The following BTN1A1 variants were observed in gnomAD, a reference collection of about 807,000 sequenced individuals.
The protein encoded by BTN1A1 is butyrophilin subfamily 1 member A1, also known as bK14H9.2 (butyrophilin, subfamily 1, member A1).
In BTN1A1, 26 loss-of-function variants were observed where a neutral mutation model predicts 33.1. The observed-to-expected ratio is 0.79, with a 90% CI of 0.58 to 1.09. The LOEUF (loss-of-function observed/expected upper bound fraction) is 1.09. Among genes scored for constraint, BTN1A1 ranks in the 50% least tolerant of loss-of-function variants. BTN1A1 has a pLI of 0.00. For synonymous variants in BTN1A1, 235 were observed against 256.2 expected, an observed-to-expected ratio of 0.92 and a Z score of 0.79; for missense variants, 558 against 655.7, an observed-to-expected ratio of 0.85 and a Z score of 1.63.
In BTN1A1 at chr6:26,509,452, A is replaced by C; in HGVS notation, c.*278A>C. ...AACCTATAGGAAACTACTTGGAGCA[A>C]ACTCAAAGGACAGATTAGGGATCGA... On this transcript the variant is annotated 3_prime_UTR_variant, in exon 8 of 8. Transcript: ENST00000684113. The C allele has an allele frequency of 2.8e-6, 1 of 363,516 alleles. No individual in the cohort carries two copies. Among genetic ancestry groups the C allele is most frequent in the Non-Finnish European group, 5.0e-6 (1 of 200,762 alleles). The allele number at this position is 363,516 out of a possible 1,614,324, so 22.5% of individuals were successfully genotyped here.
Position 26,509,087 on chromosome 6 carries a change from C to T in BTN1A1, c.1494C>T (p.Ser498=). The change falls in exon 8 of 8, where the codon TCC becomes TCT. Residue 498 remains serine (S), a synonymous_variant. Transcript: ENST00000684113. ...AQDLSKEIPL[S]PMGEDSAPRD... ...ACCTTTCTAAGGAGATCCCATTGTC[C>T]CCCATGGGGGAGGACTCTGCCCCTA... 6.2e-7 allele frequency: 1 copy of T among 1,614,052 alleles called. No homozygotes were observed. Among genetic ancestry groups the T allele is most frequent in the Non-Finnish European group, 8.5e-7 (1 of 1,179,944 alleles).
At chr6:26,502,023 T>A (rs963598490) in intron 3 of BTN1A1, 86 bp downstream of exon 3, 9 of 1,445,158 alleles carry the variant, frequency 6.2e-6, no homozygotes, top group Non-Finnish European at 8.2e-6. Flanking sequence ...AACCATCAGA[T>A]TCATTCTCAA....
intron 4 of BTN1A1, 74 bp downstream of exon 4, chr6:26,505,280 A>G: frequency 6.9e-7 from 1 of 1,447,454 alleles, no homozygotes; most frequent in East Asian, 2.3e-5. Context: ...ACACCTGCCC[A>G]GATGTGACCT....
chr6:26,508,419 T>C (rs777694746), intron 7 of BTN1A1, 82 bp from the exon 8 acceptor site: 4 of 1,435,602 alleles, frequency 2.8e-6, no homozygotes, highest in Non-Finnish European at 3.8e-6. Flanking sequence ...TACAACAGTG[T>C]TCTGTTTCTT....
rs1561882617 is a variant in BTN1A1, at chr6:26,500,332, T to C, written c.-84T>C. 6.6e-6 allele frequency among the ~76,000 whole-genome samples: 1 copy of C among 152,174 alleles called. No homozygotes were observed. The highest frequency in any genetic ancestry group is 1.5e-5 in the Non-Finnish European group (1 of 68,030). On this transcript the variant is annotated 5_prime_UTR_variant, in exon 1 of 8. Transcript: ENST00000684113. ...TTCTCACTTGGTAGCAGTGGCCTCT[T>C]GTGCCTTTTTCTCCAAGATCACCCA...
intron 5 of BTN1A1, 21 bp downstream of exon 5, chr6:26,506,853 G>A (rs1201598927): frequency 1.2e-6 from 2 of 1,613,306 alleles, no homozygotes; most frequent in South Asian, 2.2e-5. Flanking sequence ...GAATCCACAA[G>A]GGCTACGTGT....
intron 5 of BTN1A1, among the ~76,000 whole-genome samples, chr6:26,507,095 C>A (rs781168683): frequency 1.3e-5 from 2 of 152,176 alleles, no homozygotes; most frequent in African/African-American, 4.8e-5. Flanking sequence ...TTGGTGAGTG[C>A]CTGTAATCCC....
rs751507011 is a variant in BTN1A1 at position 26,501,563 on chromosome 6, C to A, written c.80-27C>A. 6.2e-7 allele frequency: 1 copy of A among 1,609,626 alleles called. No individual in the cohort carries two copies. Among genetic ancestry groups the A allele is most frequent in the East Asian group, 2.2e-5 (1 of 44,804 alleles). On this transcript the variant is annotated intron_variant, in intron 2 of 7. Transcript: ENST00000684113. This position sits in a 1 kb window ranked among gnomAD's most constrained non-coding sequence, Gnocchi z 5.2. ...GTCCGTAGTTCCCATCTCCACATCC[C>A]GTCTGATCCCGCTCGTTTTTCGGCA...
At position 26,508,823 on chromosome 6, in the gene BTN1A1, G is replaced by T. The variant is rs1362517874; in HGVS notation, c.1230G>T (p.Arg410=). 1 of 1,614,132 alleles carries T rather than the reference G, an allele frequency of 6.2e-7. No homozygotes were observed. The highest frequency in any genetic ancestry group is 1.1e-5 in the South Asian group (1 of 91,080). The change falls in exon 8 of 8, where the codon CGG becomes CGT. Residue 410 remains arginine (R), a synonymous_variant. Transcript: ENST00000684113. Reference sequence around the variant, plus strand: ...GGTACTGGGCCCTCACTCCTCTCCGGACCCCTCTCCCATTGGCAGGGCCCC... The same window carrying T: ...GGTACTGGGCCCTCACTCCTCTCCGTACCCCTCTCCCATTGGCAGGGCCCC... ...GNGYWALTPL[R]TPLPLAGPPR...
In BTN1A1 at chr6:26,508,728, G is replaced by A; in HGVS notation, c.1135G>A (p.Val379Met). ...DWAIGVCREN[V>M]MKKGFDPMTP... Reference sequence around the variant, plus strand: ...GGCAATCGGCGTGTGTAGGGAGAATGTGATGAAGAAAGGATTTGACCCCAT... The same window carrying A: ...GGCAATCGGCGTGTGTAGGGAGAATATGATGAAGAAAGGATTTGACCCCAT... The change falls in exon 8 of 8, where the codon GTG becomes ATG. Residue 379 changes from valine to methionine, a missense_variant. Physicochemically the swap from Val to Met is conservative, Grantham distance 21 (BLOSUM62 1). Coordinates refer to ENST00000684113, the MANE Select transcript of BTN1A1 (RefSeq NM_001732.3). The A allele has an allele frequency of 6.2e-7, 1 of 1,614,148 alleles. No homozygotes were observed. The highest frequency in any genetic ancestry group is 1.1e-5 in the South Asian group (1 of 91,084).
Position 26,501,192 on chromosome 6 carries a change from C to A in BTN1A1, c.-57-38C>A. The A allele has an allele frequency of 9.5e-7, 1 of 1,056,406 alleles. No individual in the cohort carries two copies. Among genetic ancestry groups the A allele is most frequent in the Non-Finnish European group, 1.5e-6 (1 of 677,926 alleles). 65.4% of individuals were successfully genotyped at this position (1,056,406 alleles called of 1,614,324 possible). On this transcript the variant is annotated intron_variant, in intron 1 of 7. Coordinates refer to ENST00000684113, the MANE Select transcript of BTN1A1 (RefSeq NM_001732.3). This position sits in a 1 kb window ranked among gnomAD's most constrained non-coding sequence, Gnocchi z 5.2. ...AGGACTTTGGAAAGCGGAGGGTTGA[C>A]AGAGCCGGTAGTTGTCTCCTGTCCA...
Position 26,501,459 on chromosome 6 carries a change from T to C in BTN1A1, c.79+94T>C. On this transcript the variant is annotated intron_variant, in intron 2 of 7. Coordinates refer to ENST00000684113, the MANE Select transcript of BTN1A1 (RefSeq NM_001732.3). The surrounding 1 kb of genome is among the most constrained non-coding windows in gnomAD (Gnocchi z 5.2). ...CTTGGCTCTCCCTGGAGACCTCCAC[T>C]GGATCCAGACAAACTCAGCTGTCAA... 1.9e-6 allele frequency: 3 copies of C among 1,570,300 alleles called. No individual in the cohort carries two copies. Among genetic ancestry groups the C allele is most frequent in the Non-Finnish European group, 2.6e-6 (3 of 1,142,760 alleles).
rs750029787 is a variant in BTN1A1 at position 26,506,758 on chromosome 6, T to C, written c.785T>C (p.Ile262Thr). 20 of 1,613,962 alleles carry C rather than the reference T, an allele frequency of 1.2e-5. No individual in the cohort carries two copies. In the East Asian group the frequency reaches 2.5e-4, roughly 20 times the overall value. Residue 262 changes from isoleucine to threonine, a missense_variant, in exon 5 of 8, where the codon ATT becomes ACT. Coordinates refer to ENST00000684113, the MANE Select transcript of BTN1A1 (RefSeq NM_001732.3). ...CTGATGGTTCTAGGACTTCTCACCA[T>C]TGGGTCCATATTTTTCACTTGGAGA... ...VILMVLGLLTIGSIFFTWRLY... is the reference protein window; with the variant it reads ...VILMVLGLLTTGSIFFTWRLY...
In BTN1A1 at chr6:26,510,163, C is replaced by CT; in HGVS notation, c.*990dup. 1 of 153,040 alleles carries CT rather than the reference C, an allele frequency of 6.5e-6. No individual in the cohort carries two copies. Among genetic ancestry groups the CT allele is most frequent in the Non-Finnish European group, 1.5e-5 (1 of 68,390 alleles). The allele number at this position is 153,040 out of a possible 1,614,324, so 9.5% of individuals were successfully genotyped here. A position where few individuals can be genotyped will look rare whatever the true frequency, so the allele number is the denominator to read the frequency against. ...AGCTTCAACTGCCTCCGTTTCCACA[C>CT]TGTGCACCTTTCACTTTCCCTACCC... On this transcript the variant is annotated 3_prime_UTR_variant, in exon 8 of 8. Transcript: ENST00000684113.
At position 26,501,618 on chromosome 6, in the gene BTN1A1, G is replaced by C; in HGVS notation, c.108G>C (p.Glu36Asp). ...CCTTTGACGTGATTGGACCCCCGGA[G>C]CCCATCCTGGCCGTTGTGGGTGAGG... Reference protein sequence around the residue: ...SAPFDVIGPPEPILAVVGEDA... With the variant: ...SAPFDVIGPPDPILAVVGEDA... Residue 36 changes from glutamate to aspartate, a missense_variant, in exon 3 of 8, where the codon GAG (glutamate) becomes GAC (aspartate). Coordinates refer to ENST00000684113, the MANE Select transcript of BTN1A1 (RefSeq NM_001732.3). This position sits in a 1 kb window ranked among gnomAD's most constrained non-coding sequence, Gnocchi z 5.2. 1 of 1,613,830 alleles carries C rather than the reference G, an allele frequency of 6.2e-7. No homozygotes were observed. The highest frequency in any genetic ancestry group is 1.1e-5 in the South Asian group (1 of 91,068).
Position 26,506,827 on chromosome 6 carries a change from C to A in BTN1A1, c.854C>A (p.Ser285Tyr). ...AGAGAGAGGAGGAATGAATTCAGCTCTAAAGGTAAACCATAGAATCCACAA... is the reference window on the plus strand; with the variant it reads ...AGAGAGAGGAGGAATGAATTCAGCTATAAAGGTAAACCATAGAATCCACAA... ...RPRERRNEFS[S>Y]KERLLEELKW... The change falls in exon 5 of 8, where the codon TCT becomes TAT. Residue 285 changes from serine (S) to tyrosine (Y), a missense_variant. Transcript: ENST00000684113. 6.2e-7 allele frequency: 1 copy of A among 1,614,078 alleles called. No individual in the cohort carries two copies. Among genetic ancestry groups the A allele is most frequent in the Non-Finnish European group, 8.5e-7 (1 of 1,180,014 alleles).
chr6:26,505,256 C>T (rs1199664295), intron 4 of BTN1A1, 50 bp downstream of exon 4: 1 of 1,555,656 alleles, frequency 6.4e-7, no homozygotes, highest in South Asian at 1.1e-5. Flanking sequence ...AGCTTCAGAG[C>T]CACACCACCT....
In BTN1A1 at chr6:26,505,204, C is replaced by T. The variant is rs1172053111; in HGVS notation, c.707C>T (p.Pro236Leu). The T allele has an allele frequency of 1.2e-6, 2 of 1,612,272 alleles. No homozygotes were observed. Among genetic ancestry groups the T allele is most frequent in the Non-Finnish European group, 1.7e-6 (2 of 1,178,644 alleles). ...GQEKKVEISIPASSLPRLTPW... is the reference protein window; with the variant it reads ...GQEKKVEISILASSLPRLTPW... The stretch of plus-strand genomic sequence containing the variant: ...GAGAAGAAAGTAGAAATATCCATAC[C>T]AGGTTAGTGGAACCAATGCTGCTGG... Residue 236 changes from proline (P) to leucine (L), a missense_variant and splice_region_variant, in exon 4 of 8, where the codon CCA becomes CTA. By Grantham distance (98) the Pro-to-Leu change is moderately conservative. Transcript: ENST00000684113.
chr6:26,504,870 T>C, intron 3 of BTN1A1, 55 bp from the exon 4 acceptor site: 2 of 1,555,054 alleles, frequency 1.3e-6, no homozygotes, highest in Non-Finnish European at 1.8e-6. Flanking sequence ...TCTCTGGTTA[T>C]AAGGCTCCCA....
Sources: gnomAD v4.1 joint callset for allele counts (sites outside exome capture counted in the v4.1 genomes callset) on GRCh38, gnomAD v4.1.1 for gene constraint, Gnocchi (gnomAD v3.1) non-coding constraint, MANE v1.5 for transcripts, NCBI Gene and HGNC (gene_info 2026-07-23, HGNC 2026-07-21) for gene names.